The following LRRC4C variants were observed in gnomAD, a reference collection of about 807,000 sequenced individuals.
LRRC4C encodes leucine-rich repeat-containing protein 4C.
Under a neutral mutation model 33.6 loss-of-function variants are expected in LRRC4C, and 5 were observed. The observed-to-expected ratio is 0.15, with a 90% CI of 0.08 to 0.31. The LOEUF is 0.31. Ranked by LOEUF, LRRC4C falls within the 10% of genes least tolerant of loss-of-function variation. LRRC4C has a pLI of 1.00. For missense variants in LRRC4C, 560 were observed against 796.7 expected (o/e 0.70, Z 3.58); for synonymous variants, 329 against 302.0 (o/e 1.09, Z -0.93).
At chr11:40,630,330 C>CT (rs1963347629) in intron 3 of LRRC4C, among the ~76,000 whole-genome samples, 10 of 135,536 alleles carry the variant, frequency 7.4e-5, no homozygotes, top group African/African-American at 1.9e-4. Context: ...TTTCTTCTTC[C>CT]TCTTCTTCTT....
chr11:41,367,394 ACT>A (rs1268632397), intron 1 of LRRC4C, among the ~76,000 whole-genome samples: 1 of 152,146 alleles, frequency 6.6e-6, no homozygotes, highest in Non-Finnish European at 1.5e-5. Context: ...AAGGCAGATG[ACT>A]GAGTAAGCTC....
chr11:40,162,656 TTGTTGTTG>T (rs1248332543), intron 5 of LRRC4C, among the ~76,000 whole-genome samples: 1 of 152,214 alleles, frequency 6.6e-6, no homozygotes, highest in African/African-American at 2.4e-5. Context: ...TTTCCTTGTT[TTGTTGTTG>T]TGTTTATTAG....
chr11:40,389,681 A>T (rs1023508824), intron 3 of LRRC4C, among the ~76,000 whole-genome samples: 1 of 152,116 alleles, frequency 6.6e-6, no homozygotes, highest in African/African-American at 2.4e-5. Flanking sequence ...TCCCCTAAAT[A>T]TTGACTTCCA....
intron 5 of LRRC4C, among the ~76,000 whole-genome samples, chr11:40,149,860 G>C (rs1858043465): frequency 6.6e-6 from 1 of 152,264 alleles, no homozygotes; most frequent in South Asian, 2.1e-4. Context: ...AGACATAACA[G>C]GGGCAGGCAA....
In LRRC4C at chr11:40,154,287, C is replaced by CAA. The variant is rs60017606; in HGVS notation, c.-95-13436_-95-13435dup. Among the ~76,000 whole-genome samples, 149 of 114,212 alleles carry CAA rather than the reference C, an allele frequency of 1.3e-3. 1 individual carries two copies. Among genetic ancestry groups the CAA allele is most frequent in the African/African-American group, 4.5e-3 (141 of 31,318 alleles). The allele number at this position is 114,212 out of a possible 152,430, so 74.9% of individuals were successfully genotyped here. ...TAAAACAAAAATACAAGCTAAAAAG[C>CAA]AAAAAAAAAAAAAAAACAAAAAGCA... On this transcript the variant is annotated intron_variant, in intron 5 of 6. Coordinates refer to ENST00000528697, the MANE Select transcript of LRRC4C (RefSeq NM_001258419.2).
At chr11:40,500,051 G>A (rs768373265) in intron 3 of LRRC4C, among the ~76,000 whole-genome samples, 4 of 151,964 alleles carry the variant, frequency 2.6e-5, no homozygotes, top group African/African-American at 7.3e-5. Context: ...GGAAATATCT[G>A]CAATAAAACC....
chr11:40,483,222 G>A (rs1328699367), intron 3 of LRRC4C, among the ~76,000 whole-genome samples: 1 of 152,182 alleles, frequency 6.6e-6, no homozygotes, highest in African/African-American at 2.4e-5. Context: ...ATGCACAGCA[G>A]GAGCTGACTG....
intron 1 of LRRC4C, among the ~76,000 whole-genome samples, chr11:41,198,261 T>G (rs982832367): frequency 1.3e-5 from 2 of 151,982 alleles, no homozygotes; most frequent in African/African-American, 4.8e-5. Flanking sequence ...TGTATATCAC[T>G]CTAAGATTTT....
At chr11:40,696,512 G>A (rs1945541048) in intron 2 of LRRC4C, among the ~76,000 whole-genome samples, 1 of 148,458 alleles carries the variant, frequency 6.7e-6, no homozygotes, top group Non-Finnish European at 1.5e-5. Flanking sequence ...GTATTTCCCT[G>A]GAAGTGCCAG....
At chr11:41,276,066 G>C (rs1451904960) in intron 1 of LRRC4C, among the ~76,000 whole-genome samples, 2 of 152,170 alleles carry the variant, frequency 1.3e-5, no homozygotes, top group Non-Finnish European at 2.9e-5. Flanking sequence ...TATGTGCAAA[G>C]AGAAGCTGTA....
At chr11:40,135,929 G>A (rs1029285407) in intron 6 of LRRC4C, among the ~76,000 whole-genome samples, 5 of 152,182 alleles carry the variant, frequency 3.3e-5, no homozygotes, top group Non-Finnish European at 5.9e-5. Context: ...TGATATAGGT[G>A]TCATTCCTGC....
chr11:40,868,790 G>A (rs1954492611), intron 2 of LRRC4C, among the ~76,000 whole-genome samples: 1 of 152,174 alleles, frequency 6.6e-6, no homozygotes, highest in South Asian at 2.1e-4. Context: ...TCAAAACTAT[G>A]TTGTTCATAA....
chr11:41,363,071 G>T (rs1470892109), intron 1 of LRRC4C, among the ~76,000 whole-genome samples: 1 of 152,140 alleles, frequency 6.6e-6, no homozygotes, highest in East Asian at 1.9e-4. Context: ...ATATCTCTGA[G>T]TCCTGTCCAT....
chr11:40,450,102 A>G (rs112701741), intron 3 of LRRC4C, among the ~76,000 whole-genome samples: 18 of 152,234 alleles, frequency 1.2e-4, no homozygotes, highest in African/African-American at 4.3e-4. Context: ...TATTATAGCA[A>G]TCCCTCATTA....
chr11:41,372,054 G>A (rs111437745), intron 1 of LRRC4C, among the ~76,000 whole-genome samples: 83 of 152,286 alleles, frequency 5.5e-4, no homozygotes, highest in African/African-American at 1.8e-3. Flanking sequence ...GGAGAATGGC[G>A]TGAACCCCGG....
intron 2 of LRRC4C, among the ~76,000 whole-genome samples, chr11:40,757,841 T>C (rs947159009): frequency 1.3e-5 from 2 of 152,078 alleles, no homozygotes; most frequent in Admixed American, 1.3e-4. Context: ...CAGATAGCAA[T>C]ACTCTGGGTG....
chr11:41,172,371 C>T (rs563933692), intron 1 of LRRC4C, among the ~76,000 whole-genome samples: 3 of 152,290 alleles, frequency 2.0e-5, no homozygotes, highest in Non-Finnish European at 1.5e-5. Context: ...AGGCCATATG[C>T]TTTTGAAGAA....
chr11:41,062,511 T>C (rs924559963), intron 1 of LRRC4C, among the ~76,000 whole-genome samples: 12 of 152,154 alleles, frequency 7.9e-5, no homozygotes, highest in Non-Finnish European at 1.2e-4. Flanking sequence ...AATTTTTTTT[T>C]CCAAAATTAT....
At chr11:40,304,471 A>C (rs1944929480) in intron 4 of LRRC4C, among the ~76,000 whole-genome samples, 1 of 152,170 alleles carries the variant, frequency 6.6e-6, no homozygotes, top group Admixed American at 6.5e-5. Flanking sequence ...AAGCTACTGA[A>C]AGAGTTTGGG....
Sources: allele counts gnomAD v4.1 joint callset (sites outside exome capture counted in the v4.1 genomes callset), GRCh38; gene constraint gnomAD v4.1.1; transcripts MANE v1.5; gene names NCBI Gene and HGNC (gene_info 2026-07-23, HGNC 2026-07-21).